The following RBFOX1 variants were observed in gnomAD, a reference collection of about 807,000 sequenced individuals.
The protein encoded by RBFOX1 is RNA binding protein fox-1 homolog 1.
Under a neutral mutation model 57.7 loss-of-function variants are expected in RBFOX1, and 8 were observed. The observed-to-expected ratio is 0.14, with a 90% CI of 0.08 to 0.25. The LOEUF (loss-of-function observed/expected upper bound fraction) is 0.25, where lower values mean the gene tolerates loss of function less well. RBFOX1 is among the 10% of genes least tolerant of loss of function. RBFOX1 has a pLI of 1.00. For missense variants in RBFOX1, 611 were observed against 548.5 expected, an observed-to-expected ratio of 1.11 and a Z score of -1.14; for synonymous variants, 326 against 222.4, an observed-to-expected ratio of 1.47 and a Z score of -4.15.
chr16:6,054,752 T>C (rs886867694), intron 1 of RBFOX1, among the ~76,000 whole-genome samples: 1 of 152,108 alleles, frequency 6.6e-6, no homozygotes, highest in Admixed American at 6.5e-5. Flanking sequence ...GATTCATCGG[T>C]GGATGTTATG....
At chr16:6,531,796 A>G (rs951198547) in intron 2 of RBFOX1, among the ~76,000 whole-genome samples, 6 of 152,170 alleles carry the variant, frequency 3.9e-5, no homozygotes, top group Non-Finnish European at 7.3e-5. Flanking sequence ...TATCAACCCA[A>G]TTTACGAAGG....
intron 2 of RBFOX1, among the ~76,000 whole-genome samples, chr16:6,415,686 G>T (rs1347911376): frequency 6.6e-6 from 1 of 152,084 alleles, no homozygotes; most frequent in African/African-American, 2.4e-5. Flanking sequence ...GGGCAACAAA[G>T]CAATACTGTG....
At chr16:5,732,965 A>G (rs1408644228) in intron 3 of RBFOX1, among the ~76,000 whole-genome samples, 1 of 152,124 alleles carries the variant, frequency 6.6e-6, no homozygotes, top group African/African-American at 2.4e-5. Context: ...TTTTGGGGTG[A>G]TGGAAATGTT....
chr16:5,673,302 C>T (rs2050070541), intron 3 of RBFOX1, among the ~76,000 whole-genome samples: 1 of 152,008 alleles, frequency 6.6e-6, no homozygotes, highest in African/African-American at 2.4e-5. Flanking sequence ...TGCCTGGCAC[C>T]CAGGAGCCAG....
In RBFOX1 at chr16:6,973,117, C is replaced by G. The variant is rs759488057; in HGVS notation, c.-15-78940C>G. Among the ~76,000 whole-genome samples the G allele has an allele frequency of 8.8e-4, 128 of 145,292 alleles. 3 individuals are homozygous for G. The highest frequency in any genetic ancestry group is 3.6e-3 in the Middle Eastern group (1 of 274). On this transcript the variant is annotated intron_variant, in intron 3 of 15. Transcript: ENST00000550418. ...CTGCACTCCAGCCTGGGTGACGGAG[C>G]AAGACTCCATTGTCTAAATAAATTA...
chr16:7,289,244 C>A (rs2095711670), intron 4 of RBFOX1, among the ~76,000 whole-genome samples: 1 of 152,154 alleles, frequency 6.6e-6, no homozygotes, highest in Non-Finnish European at 1.5e-5. Context: ...TTGGAAGTAG[C>A]AATGGGCTCT....
At chr16:7,110,165 C>A (rs1454602728) in intron 4 of RBFOX1, among the ~76,000 whole-genome samples, 1 of 139,898 alleles carries the variant, frequency 7.1e-6, no homozygotes, top group Non-Finnish European at 1.5e-5. Flanking sequence ...GCCTGGGCAA[C>A]ATAGCGAGAC....
intron 3 of RBFOX1, among the ~76,000 whole-genome samples, chr16:5,785,688 C>T (rs1033244401): frequency 3.9e-5 from 6 of 151,960 alleles, no homozygotes; most frequent in South Asian, 2.1e-4. Flanking sequence ...CCACCATACC[C>T]GGCTAATTTT....
rs74004784 is a variant in RBFOX1 at position 6,121,149 on chromosome 16, C to A, written c.-127+101157C>A. 9.1e-3 allele frequency among the ~76,000 whole-genome samples: 1,385 copies of A among 152,282 alleles called. 28 individuals carry two copies. Among genetic ancestry groups the A allele is most frequent in the African/African-American group, 0.031 (1,281 of 41,560 alleles). On this transcript the variant is annotated intron_variant, in intron 1 of 15. Transcript: ENST00000550418. ...ACCTGGTGTGTCCTGTATGTCCAGG[C>A]ACAGCCCTGCCAACCCATCAAAATA...
At chr16:6,179,948 T>C (rs192473112) in intron 1 of RBFOX1, among the ~76,000 whole-genome samples, 1 of 152,348 alleles carries the variant, frequency 6.6e-6, no homozygotes, top group Admixed American at 6.5e-5. Context: ...GTCTTGACTT[T>C]TGTCAAATTC....
chr16:5,536,202 C>T (rs1164145517), intron 2 of RBFOX1, among the ~76,000 whole-genome samples: 8 of 140,646 alleles, frequency 5.7e-5, no homozygotes, highest in Non-Finnish European at 1.2e-4. Context: ...AGCTGCTCTT[C>T]AGTGCTTTGC....
intron 3 of RBFOX1, 31 bp downstream of exon 3, chr16:6,654,681 C>T: frequency 6.8e-7 from 1 of 1,474,576 alleles, no homozygotes; most frequent in African/African-American, 1.4e-5. Context: ...TTTAGGGTTG[C>T]AAACAAAACA....
At chr16:7,636,672 C>A (rs940169199) in intron 11 of RBFOX1, among the ~76,000 whole-genome samples, 1 of 152,150 alleles carries the variant, frequency 6.6e-6, no homozygotes, top group Non-Finnish European at 1.5e-5. Flanking sequence ...TAACAAAATA[C>A]CGTAGACTGG....
At chr16:7,694,611 C>A (rs1346813785) in intron 14 of RBFOX1, among the ~76,000 whole-genome samples, 1 of 152,216 alleles carries the variant, frequency 6.6e-6, no homozygotes, top group East Asian at 1.9e-4. Context: ...TCCCTCTTAA[C>A]CCCTAGACTC....
chr16:5,256,695 G>A (rs1255771029), intron 1 of RBFOX1, among the ~76,000 whole-genome samples: 1 of 152,112 alleles, frequency 6.6e-6, no homozygotes, highest in Non-Finnish European at 1.5e-5. Context: ...AGCACTTTGA[G>A]AGGCTGAGGG....
chr16:5,444,354 C>A (rs1222682079), intron 1 of RBFOX1, among the ~76,000 whole-genome samples: 3 of 152,172 alleles, frequency 2.0e-5, no homozygotes, highest in African/African-American at 7.2e-5. Context: ...ATAAATTTCA[C>A]CCAGTTCCTT....
chr16:7,194,011 T>A (rs540601055), intron 4 of RBFOX1, among the ~76,000 whole-genome samples: 7 of 152,100 alleles, frequency 4.6e-5, no homozygotes, highest in African/African-American at 1.7e-4. Context: ...AGCCGTATCA[T>A]ATTATTATGG....
At chr16:7,182,994 A>G (rs2083023277) in intron 4 of RBFOX1, among the ~76,000 whole-genome samples, 1 of 152,204 alleles carries the variant, frequency 6.6e-6, no homozygotes, top group Non-Finnish European at 1.5e-5. Flanking sequence ...CCTGAGAGCT[A>G]AGCCTTATTT....
At chr16:5,872,211 C>G (rs985380898) in intron 4 of RBFOX1, among the ~76,000 whole-genome samples, 2 of 152,194 alleles carry the variant, frequency 1.3e-5, no homozygotes, top group Admixed American at 6.5e-5. Context: ...CATTTGAGAA[C>G]CTAGCACATT....
Sources: gnomAD v4.1 joint callset for allele counts (sites outside exome capture counted in the v4.1 genomes callset) on GRCh38, gnomAD v4.1.1 for gene constraint, MANE v1.5 for transcripts, NCBI Gene and HGNC (gene_info 2026-07-23, HGNC 2026-07-21) for gene names.